The following WWOX variants were observed in gnomAD, a reference collection of about 807,000 sequenced individuals.
WWOX encodes the protein WW domain-containing oxidoreductase.
Under a neutral mutation model 46.2 loss-of-function variants are expected in WWOX, and 69 were observed. The observed-to-expected ratio is 1.49, with a 90% CI of 1.23 to 1.82. The LOEUF is 1.82. Ranked by LOEUF, WWOX falls within the 40% of genes most tolerant of loss-of-function variation. The pLI is 0.00. For missense variants in WWOX, 919 were observed against 542.6 expected (o/e 1.69, Z -6.89); for synonymous variants, 359 against 202.6 (o/e 1.77, Z -6.56).
chr16:78,578,065 C>T (rs1279792370), intron 8 of WWOX, among the ~76,000 whole-genome samples: 1 of 151,538 alleles, frequency 6.6e-6, no homozygotes, highest in East Asian at 1.9e-4. Flanking sequence ...ATTTGGGGAA[C>T]ATCACTAGCC....
At chr16:78,579,183 A>G (rs543057509) in intron 8 of WWOX, among the ~76,000 whole-genome samples, 1 of 152,200 alleles carries the variant, frequency 6.6e-6, no homozygotes, top group South Asian at 2.1e-4. Context: ...GGAAGTCCCT[A>G]TTTGTGGGTG....
intron 8 of WWOX, among the ~76,000 whole-genome samples, chr16:78,573,706 G>A (rs542410188): frequency 1.3e-5 from 2 of 152,146 alleles, no homozygotes; most frequent in Non-Finnish European, 2.9e-5. Flanking sequence ...ATGCTGCACT[G>A]AACCATAATC....
rs58334968 is a variant in WWOX, at chr16:79,211,034, A to AGTGTGTGTGTGTGTGTGTGTGT, written c.1057-572_1057-551dup. 4.4e-3 allele frequency among the ~76,000 whole-genome samples: 655 copies of AGTGTGTGTGTGTGTGTGTGTGT among 149,706 alleles called. 3 individuals are homozygous for AGTGTGTGTGTGTGTGTGTGTGT. Among genetic ancestry groups the AGTGTGTGTGTGTGTGTGTGTGT allele is most frequent in the Non-Finnish European group, 7.5e-3 (508 of 67,456 alleles). On this transcript the variant is annotated intron_variant, in intron 8 of 8. Coordinates refer to ENST00000566780, the MANE Select transcript of WWOX (RefSeq NM_016373.4). ...TGCTAAGTATGAATGTATGGTGAGG[A>AGTGTGTGTGTGTGTGTGTGTGT]GTGTGTGTGTGTGTGTGTGTGTGCA...
chr16:79,007,853 A>G (rs566963272), intron 8 of WWOX, among the ~76,000 whole-genome samples: 1 of 152,348 alleles, frequency 6.6e-6, no homozygotes, highest in Non-Finnish European at 1.5e-5. Flanking sequence ...TTAGTCACTC[A>G]TGGTGTCACA....
intron 8 of WWOX, among the ~76,000 whole-genome samples, chr16:78,987,422 C>T (rs2046803590): frequency 6.6e-6 from 1 of 152,182 alleles, no homozygotes; most frequent in South Asian, 2.1e-4. Flanking sequence ...TGCTGGAGCT[C>T]CTGCCACGTA....
At chr16:79,093,492 A>AT (rs549846340) in intron 8 of WWOX, among the ~76,000 whole-genome samples, 321 of 151,628 alleles carry the variant, frequency 2.1e-3, no homozygotes, top group African/African-American at 7.2e-3. Context: ...ATATATGATG[A>AT]TTTTTTTTTC....
At chr16:78,473,754 G>C (rs887125234) in intron 8 of WWOX, among the ~76,000 whole-genome samples, 8 of 152,144 alleles carry the variant, frequency 5.3e-5, no homozygotes, top group Non-Finnish European at 1.0e-4. Context: ...TAAGCTGTCA[G>C]GTGTTAGCTG....
chr16:78,643,533 A>C (rs754855277), intron 8 of WWOX, among the ~76,000 whole-genome samples: 1 of 152,094 alleles, frequency 6.6e-6, no homozygotes, highest in African/African-American at 2.4e-5. Flanking sequence ...AAGGCAAATG[A>C]CTTCCACATC....
chr16:78,852,383 G>T (rs907493726), intron 8 of WWOX, among the ~76,000 whole-genome samples: 1 of 152,180 alleles, frequency 6.6e-6, no homozygotes, highest in African/African-American at 2.4e-5. Flanking sequence ...CACTCCTTGT[G>T]GCAGAAGCTA....
rs578233107 is a variant in WWOX, at chr16:78,981,563, A to G, written c.1057-230045A>G. On this transcript the variant is annotated intron_variant, in intron 8 of 8. Coordinates refer to ENST00000566780, the MANE Select transcript of WWOX (RefSeq NM_016373.4). The stretch of plus-strand genomic sequence containing the variant: ...GGTGATTCTCCTGCCTCAGCCTCCC[A>G]AGTAGCTGGGAGTAAAGGCACATGC... Among the ~76,000 whole-genome samples the G allele has an allele frequency of 1.1e-4, 16 of 152,004 alleles. No individual in the cohort carries two copies. The East Asian group carries it at 2.5e-3, about 24-fold the overall frequency.
At chr16:78,766,253 G>C (rs537174441) in intron 8 of WWOX, among the ~76,000 whole-genome samples, 1 of 152,344 alleles carries the variant, frequency 6.6e-6, no homozygotes, top group East Asian at 1.9e-4. Flanking sequence ...AGCGCTGGTA[G>C]AAAGCCTTGC....
intron 8 of WWOX, among the ~76,000 whole-genome samples, chr16:78,475,129 A>C (rs145325062): frequency 6.6e-6 from 1 of 152,174 alleles, no homozygotes; most frequent in East Asian, 1.9e-4. Context: ...CTCTCCCTCA[A>C]TATAGCTGTA....
chr16:78,422,756 T>TATACACATATATAC (rs1279632567), intron 6 of WWOX, among the ~76,000 whole-genome samples: 2 of 103,994 alleles, frequency 1.9e-5, no homozygotes, highest in African/African-American at 1.3e-4. Flanking sequence ...TACACATATA[T>TATACACATATATAC]ACACATATAT....
chr16:78,907,205 C>T (rs554338862), intron 8 of WWOX, among the ~76,000 whole-genome samples: 1 of 152,136 alleles, frequency 6.6e-6, no homozygotes, highest in African/African-American at 2.4e-5. Context: ...GTGTGTAAAA[C>T]CCTTGTGCCC....
chr16:78,819,981 C>T (rs867640816), intron 8 of WWOX, among the ~76,000 whole-genome samples: 34 of 152,268 alleles, frequency 2.2e-4, no homozygotes, highest in African/African-American at 8.2e-4. Flanking sequence ...TTGATATCAA[C>T]ATCTGTAAAA....
chr16:78,665,614 A>G (rs1335669207), intron 8 of WWOX, among the ~76,000 whole-genome samples: 1 of 152,070 alleles, frequency 6.6e-6, no homozygotes, highest in Non-Finnish European at 1.5e-5. Context: ...TTGCCCTGTC[A>G]GGGTGGGTCC....
chr16:78,945,786 T>G (rs116729300), intron 8 of WWOX, among the ~76,000 whole-genome samples: 1 of 152,184 alleles, frequency 6.6e-6, no homozygotes, highest in East Asian at 1.9e-4. Context: ...ATGTGTATTA[T>G]GTTCTTGGTA....
intron 8 of WWOX, among the ~76,000 whole-genome samples, chr16:79,038,344 C>G (rs184668328): frequency 1.2e-4 from 19 of 152,068 alleles, no homozygotes; most frequent in Non-Finnish European, 4.4e-5. Flanking sequence ...GAAGAAAATG[C>G]TTATGATACA....
At chr16:78,574,174 C>G (rs747047497) in intron 8 of WWOX, among the ~76,000 whole-genome samples, 1 of 152,240 alleles carries the variant, frequency 6.6e-6, no homozygotes, top group Non-Finnish European at 1.5e-5. Context: ...AAAGCAGCTT[C>G]CTTCATCAAG....
Sources: allele counts gnomAD v4.1 joint callset (sites outside exome capture counted in the v4.1 genomes callset), GRCh38; gene constraint gnomAD v4.1.1; transcripts MANE v1.5; gene names NCBI Gene and HGNC (gene_info 2026-07-23, HGNC 2026-07-21).